The following CDIN1 variants were observed in gnomAD, a reference collection of about 807,000 sequenced individuals.
CDIN1 encodes CDAN1-interacting nuclease 1.
Under a neutral mutation model 45.3 loss-of-function variants are expected in CDIN1, and 33 were observed. The ratio of observed to expected loss-of-function variants is 0.73; its 90% CI spans 0.55 to 0.97. The LOEUF (loss-of-function observed/expected upper bound fraction) is 0.97, where lower values mean the gene tolerates loss of function less well. CDIN1 is among the 50% of genes least tolerant of loss of function. CDIN1 has a pLI of 0.00. For synonymous variants in CDIN1, 118 were observed against 124.4 expected (o/e 0.95, Z 0.34); for missense variants, 303 against 339.4 (o/e 0.89, Z 0.84).
chr15:36,639,332 G>A (rs1430925106), intron 1 of CDIN1, among the ~76,000 whole-genome samples: 4 of 151,526 alleles, frequency 2.6e-5, no homozygotes, highest in Non-Finnish European at 4.4e-5. Flanking sequence ...CAGGCCCAGC[G>A]TGGTGGCTCA....
intron 10 of CDIN1, among the ~76,000 whole-genome samples, chr15:36,742,398 T>C (rs1193663063): frequency 6.6e-6 from 1 of 152,246 alleles, no homozygotes; most frequent in Non-Finnish European, 1.5e-5. Context: ...TGTTTTGCTT[T>C]TGTTTTCTCT....
intron 8 of CDIN1, among the ~76,000 whole-genome samples, chr15:36,701,172 AGAT>A (rs2042630833): frequency 2.0e-5 from 3 of 148,376 alleles, no homozygotes; most frequent in South Asian, 2.1e-4. Flanking sequence ...ATAGATAGAT[AGAT>A]ATGAGCATTT....
Position 36,765,057 on chromosome 15 carries a change from C to CTTTTT in CDIN1, c.717-43264_717-43263insTTTTT, listed in dbSNP as rs377685100. Among the ~76,000 whole-genome samples the CTTTTT allele has an allele frequency of 8.4e-4, 117 of 139,632 alleles. 10 individuals carry two copies. Among genetic ancestry groups the CTTTTT allele is most frequent in the Admixed American group, 1.3e-3 (18 of 13,682 alleles). The allele number at this position is 139,632 out of a possible 152,430, so 91.6% of individuals were successfully genotyped here. ...ATTTTCTTTTCTTTTATTTTTCTTTCTTTCTTTTTTTTTTTTTAGATGGAG... is the reference window on the plus strand; with the variant it reads ...ATTTTCTTTTCTTTTATTTTTCTTTCTTTTTTTTCTTTTTTTTTTTTTAGATGGAG... On this transcript the variant is annotated intron_variant, in intron 10 of 10. Transcript: ENST00000566621.
At chr15:36,710,453 C>T (rs1045000194) in intron 10 of CDIN1, among the ~76,000 whole-genome samples, 7 of 152,110 alleles carry the variant, frequency 4.6e-5, no homozygotes, top group South Asian at 2.1e-4. Context: ...GAAATCTCAG[C>T]GTTAAGAAAG....
chr15:36,619,704 A>G (rs1342549489), intron 1 of CDIN1, among the ~76,000 whole-genome samples: 1 of 152,086 alleles, frequency 6.6e-6, no homozygotes, highest in Non-Finnish European at 1.5e-5. Context: ...TTTTTGAAGA[A>G]GCATTTCTGT....
At chr15:36,676,778 G>C (rs1026154663) in intron 5 of CDIN1, among the ~76,000 whole-genome samples, 1 of 152,132 alleles carries the variant, frequency 6.6e-6, no homozygotes, top group African/African-American at 2.4e-5. Flanking sequence ...CCTTCATTAT[G>C]TGGCCCTATA....
intron 7 of CDIN1, 41 bp downstream of exon 7, chr15:36,692,216 C>T: frequency 6.3e-7 from 1 of 1,578,864 alleles, no homozygotes; most frequent in Non-Finnish European, 8.7e-7. Context: ...AATTGACGAG[C>T]TTAGACTCAG....
intron 1 of CDIN1, chr15:36,613,826 G>A (rs2073382277): frequency 6.2e-7 from 1 of 1,600,828 alleles, no homozygotes; most frequent in African/African-American, 1.3e-5. Flanking sequence ...TAAGCACATT[G>A]CAGAAGAGGC....
chr15:36,767,567 G>A (rs1423491826), intron 10 of CDIN1, among the ~76,000 whole-genome samples: 2 of 152,192 alleles, frequency 1.3e-5, no homozygotes, highest in South Asian at 2.1e-4. Context: ...AGAGAAGCAG[G>A]TGGGCTTCAT....
At chr15:36,661,688 C>T (rs2041022233) in intron 5 of CDIN1, among the ~76,000 whole-genome samples, 1 of 152,066 alleles carries the variant, frequency 6.6e-6, no homozygotes, top group South Asian at 2.1e-4. Flanking sequence ...TCAATGCTCC[C>T]TGATTTTAGC....
chr15:36,768,346 T>G (rs140529941), intron 10 of CDIN1, among the ~76,000 whole-genome samples: 1 of 152,196 alleles, frequency 6.6e-6, no homozygotes, highest in African/African-American at 2.4e-5. Context: ...CTGTCTTAGT[T>G]TGATGAATAA....
rs564609533 is a variant in CDIN1 at position 36,809,564 on chromosome 15, AAGT to A, written c.*1112_*1114del. 5.8e-4 allele frequency: 89 copies of A among 152,314 alleles called. 1 individual carries two copies. The highest frequency in any genetic ancestry group is 1.9e-3 in the African/African-American group (81 of 41,558). The allele number at this position is 152,314 out of a possible 1,614,324, so 9.4% of individuals were successfully genotyped here. ...TTTCAGTCTAAAGCGAAACATCAGT[AAGT>A]TAATAATAAACCTATCTTTTGGGAA... is the stretch of plus-strand genomic sequence containing the variant. On this transcript the variant is annotated 3_prime_UTR_variant, in exon 11 of 11. Coordinates refer to ENST00000566621, the MANE Select transcript of CDIN1 (RefSeq NM_001321759.2).
chr15:36,669,874 G>A (rs950593150), intron 5 of CDIN1, among the ~76,000 whole-genome samples: 4 of 152,028 alleles, frequency 2.6e-5, no homozygotes, highest in Non-Finnish European at 5.9e-5. Flanking sequence ...TTTATCACTG[G>A]TTATGTTAAC....
intron 1 of CDIN1, among the ~76,000 whole-genome samples, chr15:36,625,965 A>G (rs532737416): frequency 2.0e-5 from 3 of 152,208 alleles, no homozygotes; most frequent in African/African-American, 7.2e-5. Flanking sequence ...TTATCAGATT[A>G]TAGTAAGTAA....
intron 10 of CDIN1, among the ~76,000 whole-genome samples, chr15:36,733,123 A>C (rs577255097): frequency 6.6e-6 from 1 of 152,044 alleles, no homozygotes; most frequent in Non-Finnish European, 1.5e-5. Context: ...GTTTCTGGCA[A>C]ATGAATTAGA....
intron 10 of CDIN1, among the ~76,000 whole-genome samples, chr15:36,724,147 A>T (rs1208327819): frequency 1.3e-5 from 2 of 152,184 alleles, no homozygotes; most frequent in African/African-American, 4.8e-5. Context: ...TTTTGAATAG[A>T]AGAGTGACGT....
In CDIN1 at chr15:36,794,018, G is replaced by GAAA. The variant is rs36187344; in HGVS notation, c.717-14298_717-14296dup. On this transcript the variant is annotated intron_variant, in intron 10 of 10. Coordinates refer to ENST00000566621, the MANE Select transcript of CDIN1 (RefSeq NM_001321759.2). ...TTTTTCATTATTTTCTTACTGTGGT[G>GAAA]AAAAAAAAAACCCCACATAATATTA... Among the ~76,000 whole-genome samples the GAAA allele has an allele frequency of 6.4e-3, 876 of 136,860 alleles. 7 individuals carry two copies. The highest frequency in any genetic ancestry group is 0.025 in the South Asian group (109 of 4,442). 89.8% of individuals were successfully genotyped at this position (136,860 alleles called of 152,430 possible). A position where few individuals can be genotyped will look rare whatever the true frequency, so the allele number is the denominator to read the frequency against.
chr15:36,704,093 A>G (rs1393291544), intron 8 of CDIN1, among the ~76,000 whole-genome samples: 1 of 152,106 alleles, frequency 6.6e-6, no homozygotes, highest in African/African-American at 2.4e-5. Flanking sequence ...ATATAGGAGA[A>G]TTTTACTTTC....
intron 1 of CDIN1, among the ~76,000 whole-genome samples, chr15:36,613,098 C>T (rs574494626): frequency 4.9e-4 from 74 of 152,308 alleles, no homozygotes; most frequent in Admixed American, 1.6e-3. Context: ...TTAGGCACCA[C>T]GGTGTTTGGA....
Sources: allele counts gnomAD v4.1 joint callset (sites outside exome capture counted in the v4.1 genomes callset), GRCh38; gene constraint gnomAD v4.1.1; transcripts MANE v1.5; gene names NCBI Gene and HGNC (gene_info 2026-07-23, HGNC 2026-07-21).